The following MELK variants were observed in gnomAD, a reference collection of about 807,000 sequenced individuals.
The protein encoded by MELK is maternal embryonic leucine zipper kinase, also known as pEg3 kinase.
Under a neutral mutation model 85.0 loss-of-function variants are expected in MELK, and 81 were observed. The observed-to-expected ratio is 0.95, with a 90% confidence interval of 0.80 to 1.15. MELK has a LOEUF of 1.15. MELK is among the 50% of genes most tolerant of loss of function. MELK has a pLI of 0.00. For missense variants in MELK, 754 were observed against 777.5 expected (o/e 0.97, Z 0.36); for synonymous variants, 252 against 265.0 (o/e 0.95, Z 0.48).
At chr9:36,636,923 C>T (rs547813976) in intron 10 of MELK, among the ~76,000 whole-genome samples, 315 of 152,106 alleles carry the variant, frequency 2.1e-3, no homozygotes, top group Non-Finnish European at 2.7e-3. Context: ...CAAGCTCTGC[C>T]TCCCGGGTTC....
intron 8 of MELK, among the ~76,000 whole-genome samples, chr9:36,627,956 C>T (rs755248928): frequency 6.6e-6 from 1 of 152,070 alleles, no homozygotes; most frequent in Non-Finnish European, 1.5e-5. Flanking sequence ...GGCTGGAGTA[C>T]TATGGCACAA....
At chr9:36,639,934 A>G (rs758192286) in intron 10 of MELK, among the ~76,000 whole-genome samples, 1 of 152,216 alleles carries the variant, frequency 6.6e-6, no homozygotes, top group Non-Finnish European at 1.5e-5. Flanking sequence ...GTTGACATCA[A>G]CAAGAGGATA....
intron 4 of MELK, among the ~76,000 whole-genome samples, 160 bp from the exon 5 acceptor site, chr9:36,594,468 T>C (rs1319780681): frequency 4.6e-5 from 7 of 152,070 alleles, no homozygotes; most frequent in Non-Finnish European, 1.5e-5. Context: ...ATTGACTTGT[T>C]TGATCCTGAG....
Position 36,651,857 on chromosome 9 carries a change from A to G in MELK, c.1033A>G (p.Thr345Ala), listed in dbSNP as rs1830731633. ...SSFSCGQASA[T>A]PFTDIKSNNW... The stretch of plus-strand genomic sequence containing the variant: ...TTTCTCCTGTGGACAAGCCAGTGCT[A>G]CCCCATTCACAGACATCAAGGTAAG... Residue 345 changes from threonine to alanine, a missense_variant, in exon 12 of 18, where the codon ACC becomes GCC. Transcript: ENST00000298048. 6.2e-7 allele frequency: 1 copy of G among 1,613,482 alleles called. No homozygotes were observed. The highest frequency in any genetic ancestry group is 8.5e-7 in the Non-Finnish European group (1 of 1,179,818).
intron 8 of MELK, among the ~76,000 whole-genome samples, chr9:36,624,019 T>G (rs1827692468): frequency 6.6e-6 from 1 of 152,220 alleles, no homozygotes; most frequent in Non-Finnish European, 1.5e-5. Flanking sequence ...GCTAAATGCT[T>G]TATGTATACT....
In MELK at chr9:36,594,550, G is replaced by T. The variant is rs898691303; in HGVS notation, c.262-78G>T. 3.3e-6 allele frequency: 5 copies of T among 1,501,472 alleles called. No individual in the cohort carries two copies. In the African/African-American group the frequency reaches 4.2e-5, roughly 13 times the overall value. The allele number at this position is 1,501,472 out of a possible 1,614,324, so 93.0% of individuals were successfully genotyped here. A position where few individuals can be genotyped will look rare whatever the true frequency, so the allele number is the denominator to read the frequency against. Reference sequence around the variant, plus strand: ...CGAATTAATAATATCTCTGAGTTAAGTGTACTTTTTTATTTTAAATTTCTG... The same window carrying T: ...CGAATTAATAATATCTCTGAGTTAATTGTACTTTTTTATTTTAAATTTCTG... On this transcript the variant is annotated intron_variant, in intron 4 of 17. Transcript: ENST00000298048.
Position 36,597,308 on chromosome 9 carries a change from A to G in MELK, c.474+18A>G. The stretch of plus-strand genomic sequence containing the variant: ...AACCCAAGGTAAGTGCAGAAATAAG[A>G]TGCATCTATGTTCTTTGTAAATGCA... On this transcript the variant is annotated intron_variant, in intron 6 of 17. Coordinates refer to ENST00000298048, the MANE Select transcript of MELK (RefSeq NM_014791.4). 1 of 1,594,812 alleles carries G rather than the reference A, an allele frequency of 6.3e-7. No homozygotes were observed. Among genetic ancestry groups the G allele is most frequent in the Non-Finnish European group, 8.6e-7 (1 of 1,162,930 alleles).
rs1032914951 is a variant in MELK, at chr9:36,581,802, G to A, written c.58+63G>A. On this transcript the variant is annotated intron_variant, in intron 2 of 17. Coordinates refer to ENST00000298048, the MANE Select transcript of MELK (RefSeq NM_014791.4). The stretch of plus-strand genomic sequence containing the variant: ...AACTATTTGAGAGTATAGATTATTT[G>A]GGTAGGTGTGAGCTTTTTCGTCTAA... 2.2e-6 allele frequency: 3 copies of A among 1,368,636 alleles called. No homozygotes were observed. In the African/African-American group the frequency reaches 4.4e-5, roughly 20 times the overall value. The allele number at this position is 1,368,636 out of a possible 1,614,324, so 84.8% of individuals were successfully genotyped here. A position where few individuals can be genotyped will look rare whatever the true frequency, so the allele number is the denominator to read the frequency against.
intron 8 of MELK, among the ~76,000 whole-genome samples, chr9:36,626,474 A>G (rs1336353779): frequency 1.3e-5 from 2 of 152,220 alleles, no homozygotes; most frequent in South Asian, 2.1e-4. Flanking sequence ...GAAGTTAGTC[A>G]CTTACGTTTT....
chr9:36,577,603 A>G (rs1290266397), intron 1 of MELK, among the ~76,000 whole-genome samples: 1 of 151,788 alleles, frequency 6.6e-6, no homozygotes, highest in Non-Finnish European at 1.5e-5. Flanking sequence ...AAGTGCTGGG[A>G]TTACAGGCGT....
intron 9 of MELK, 95 bp from the exon 10 acceptor site, chr9:36,633,007 A>G (rs7039344): frequency 1.2e-6 from 1 of 838,024 alleles, no homozygotes; most frequent in South Asian, 1.5e-5. Context: ...TAAAGTTTAC[A>G]TCTGTTCTGA....
chr9:36,586,781 A>G (rs544143556), intron 3 of MELK, among the ~76,000 whole-genome samples: 1 of 152,166 alleles, frequency 6.6e-6, no homozygotes, highest in Non-Finnish European at 1.5e-5. Context: ...ACTTGTTTTT[A>G]TATTTTCTGT....
intron 1 of MELK, among the ~76,000 whole-genome samples, chr9:36,575,385 G>A (rs1020187815): frequency 2.0e-5 from 3 of 152,172 alleles, no homozygotes. Flanking sequence ...GGGCACATGA[G>A]AATATTTAGA....
chr9:36,636,568 G>A (rs1285267374), intron 10 of MELK, among the ~76,000 whole-genome samples: 3 of 152,078 alleles, frequency 2.0e-5, no homozygotes, highest in African/African-American at 4.8e-5. Context: ...TATTTGGGCT[G>A]GGTTCAGCTG....
intron 4 of MELK, among the ~76,000 whole-genome samples, chr9:36,590,172 G>A (rs977882981): frequency 3.3e-5 from 5 of 151,916 alleles, no homozygotes; most frequent in African/African-American, 9.7e-5. Flanking sequence ...TGCCCTCCTC[G>A]GCCTCCCAGA....
At chr9:36,656,228 T>G (rs976523100) in intron 12 of MELK, among the ~76,000 whole-genome samples, 2 of 152,224 alleles carry the variant, frequency 1.3e-5, no homozygotes, top group African/African-American at 4.8e-5. Context: ...CTGTATATTC[T>G]TACAAAGAAG....
chr9:36,603,574 G>A (rs1825145161), intron 7 of MELK, among the ~76,000 whole-genome samples: 1 of 151,948 alleles, frequency 6.6e-6, no homozygotes, highest in Admixed American at 6.6e-5. Flanking sequence ...TGGGACTACA[G>A]GTGTGCACTA....
intron 16 of MELK, among the ~76,000 whole-genome samples, chr9:36,674,471 G>T (rs1833162196): frequency 6.6e-6 from 1 of 152,144 alleles, no homozygotes; most frequent in African/African-American, 2.4e-5. Flanking sequence ...TCTTTCCGTG[G>T]TATACATTTC....
chr9:36,633,207 A>G lies in MELK; in HGVS notation c.834+7A>G, dbSNP rs193187446. ...GTGGCAAAGCAAGAATCCTGTAAGT[A>G]AAATGAAATCCAGTAGAATTTTTTT... On this transcript the variant is annotated splice_region_variant and intron_variant, in intron 10 of 17. Coordinates refer to ENST00000298048, the MANE Select transcript of MELK (RefSeq NM_014791.4). 9.0e-5 allele frequency: 143 copies of G among 1,586,320 alleles called. No individual in the cohort carries two copies. The African/African-American group carries it at 1.7e-3, about 19-fold the overall frequency.
Sources: gnomAD v4.1 joint callset for allele counts (sites outside exome capture counted in the v4.1 genomes callset) on GRCh38, gnomAD v4.1.1 for gene constraint, MANE v1.5 for transcripts, NCBI Gene and HGNC (gene_info 2026-07-23, HGNC 2026-07-21) for gene names.